ME1: variants seen among roughly 807,000 people sequenced by gnomAD.
The protein encoded by ME1 is NADP-dependent malic enzyme.
A neutral mutation model predicts 66.4 loss-of-function variants in ME1; 74 were observed. The observed-to-expected ratio is 1.11, with a 90% CI of 0.92 to 1.35. ME1 has a LOEUF of 1.35. ME1 is among the 40% of genes most tolerant of loss of function. The pLI, the probability that ME1 is intolerant of heterozygous loss-of-function variation, is 0.00. For synonymous variants in ME1, 251 were observed against 235.6 expected (o/e 1.07, Z -0.60); for missense variants, 750 against 694.1 (o/e 1.08, Z -0.90).
At chr6:83,221,537 A>T (rs769038349) in intron 12 of ME1, among the ~76,000 whole-genome samples, 4 of 152,210 alleles carry the variant, frequency 2.6e-5, no homozygotes, top group Non-Finnish European at 5.9e-5. Flanking sequence ...GAAAGGGGGT[A>T]TCACTAATAA....
intron 2 of ME1, among the ~76,000 whole-genome samples, chr6:83,407,330 TA>T (rs1299974330): frequency 6.6e-6 from 1 of 152,188 alleles, no homozygotes; most frequent in Non-Finnish European, 1.5e-5. Flanking sequence ...GGAAAAATAT[TA>T]TATTTATCTT....
chr6:83,247,509 T>A (rs1398026186), intron 7 of ME1, among the ~76,000 whole-genome samples: 1 of 151,896 alleles, frequency 6.6e-6, no homozygotes, highest in Admixed American at 6.6e-5. Context: ...ATAAATCATA[T>A]CTTTAAATAA....
chr6:83,426,514 G>A (rs1392738670), intron 1 of ME1, among the ~76,000 whole-genome samples: 3 of 152,230 alleles, frequency 2.0e-5, no homozygotes, highest in African/African-American at 7.2e-5. Flanking sequence ...TCTAGAGAAT[G>A]TGGTTGGATG....
At chr6:83,286,336 G>A (rs761110586) in intron 6 of ME1, among the ~76,000 whole-genome samples, 20 of 152,206 alleles carry the variant, frequency 1.3e-4, no homozygotes, top group East Asian at 7.7e-4. Flanking sequence ...GCTGTGACTC[G>A]TTATTAACAT....
At chr6:83,222,220 C>T (rs1440943682) in intron 12 of ME1, among the ~76,000 whole-genome samples, 2 of 152,038 alleles carry the variant, frequency 1.3e-5, no homozygotes, top group East Asian at 3.9e-4. Flanking sequence ...ATTAGACATC[C>T]ATTTATGTTT....
intron 7 of ME1, among the ~76,000 whole-genome samples, chr6:83,249,234 TA>T (rs1790677935): frequency 6.6e-6 from 1 of 151,808 alleles, no homozygotes; most frequent in African/African-American, 2.4e-5. Flanking sequence ...ATTATATATA[TA>T]CTTTTTTTCT....
chr6:83,391,021 T>C (rs867862306), intron 3 of ME1, among the ~76,000 whole-genome samples: 7 of 152,166 alleles, frequency 4.6e-5, no homozygotes, highest in African/African-American at 1.2e-4. Flanking sequence ...AAATAGACTA[T>C]TATAGTCTTA....
intron 1 of ME1, among the ~76,000 whole-genome samples, chr6:83,414,367 A>G (rs1160709200): frequency 3.3e-5 from 5 of 152,122 alleles, no homozygotes; most frequent in Admixed American, 1.3e-4. Context: ...TACACAAAAG[A>G]TCATTTGCTT....
At chr6:83,410,143 T>A (rs2128552311) in intron 1 of ME1, among the ~76,000 whole-genome samples, 1 of 152,292 alleles carries the variant, frequency 6.6e-6, no homozygotes, top group African/African-American at 2.4e-5. Flanking sequence ...AATTTTGTTT[T>A]CTTCACTGCT....
intron 6 of ME1, among the ~76,000 whole-genome samples, chr6:83,302,789 T>C (rs1767751589): frequency 6.6e-6 from 1 of 152,120 alleles, no homozygotes; most frequent in African/African-American, 2.4e-5. Context: ...ACTATTTATT[T>C]ATACAATGGT....
chr6:83,289,631 G>C (rs1479135374), intron 6 of ME1, among the ~76,000 whole-genome samples: 1 of 152,148 alleles, frequency 6.6e-6, no homozygotes, highest in African/African-American at 2.4e-5. Context: ...TTGGTATCAG[G>C]ATGATGCTAG....
chr6:83,227,282 C>CA (rs1269700213), intron 11 of ME1, 53 bp downstream of exon 11: 2 of 1,316,708 alleles, frequency 1.5e-6, no homozygotes, highest in African/African-American at 3.0e-5. Context: ...CTAGGCCTCC[C>CA]TATAATGAAT....
chr6:83,424,664 G>A (rs892237166), intron 1 of ME1, among the ~76,000 whole-genome samples: 3 of 152,252 alleles, frequency 2.0e-5, no homozygotes, highest in Admixed American at 6.5e-5. Context: ...ACTAAACAAA[G>A]CAAGGGAAAG....
chr6:83,291,518 G>T (rs956152582), intron 6 of ME1, among the ~76,000 whole-genome samples: 7 of 152,054 alleles, frequency 4.6e-5, no homozygotes, highest in Admixed American at 2.6e-4. Context: ...TCCCTTTGTG[G>T]GTAACCCAAC....
intron 3 of ME1, among the ~76,000 whole-genome samples, chr6:83,364,499 C>A (rs1166154923): frequency 2.0e-5 from 3 of 152,144 alleles, no homozygotes. Flanking sequence ...CCAAACTCAT[C>A]TTTTACTTAC....
chr6:83,263,957 C>T (rs971273200), intron 6 of ME1, among the ~76,000 whole-genome samples: 1 of 152,100 alleles, frequency 6.6e-6, no homozygotes, highest in Non-Finnish European at 1.5e-5. Context: ...AAAATGGAGA[C>T]AAAATAGCCT....
At chr6:83,319,314 AT>A (rs1198810521) in intron 5 of ME1, among the ~76,000 whole-genome samples, 12 of 150,964 alleles carry the variant, frequency 7.9e-5, no homozygotes, top group South Asian at 2.1e-4. Flanking sequence ...AATAAAAAAA[AT>A]AAAATAAAAT....
chr6:83,223,732 T>A, intron 12 of ME1, 28 bp downstream of exon 12: 1 of 1,605,540 alleles, frequency 6.2e-7, no homozygotes, highest in Non-Finnish European at 8.5e-7. Flanking sequence ...TTTTAAACCC[T>A]TGGTAAACTT....
Position 83,278,285 on chromosome 6 carries a change from T to A in ME1, c.705-24547A>T, listed in dbSNP as rs547517797. On this transcript the variant is annotated intron_variant, in intron 6 of 13. Transcript: ENST00000369705. ...ACTCAGTGTATACTAACTTGCAAAT[T>A]AAAAACTACTAGGAGGTCCAGTCTT... is the stretch of plus-strand genomic sequence containing the variant. Among the ~76,000 whole-genome samples, 15 of 152,290 alleles carry A rather than the reference T, an allele frequency of 9.8e-5. No individual in the cohort carries two copies. In the South Asian group the frequency reaches 3.1e-3, roughly 32 times the overall value.
Sources: allele counts gnomAD v4.1 joint callset (sites outside exome capture counted in the v4.1 genomes callset), GRCh38; gene constraint gnomAD v4.1.1; transcripts MANE v1.5; gene names NCBI Gene and HGNC (gene_info 2026-07-23, HGNC 2026-07-21).